DAXX: variants seen among roughly 807,000 people sequenced by gnomAD.
The protein encoded by DAXX is death domain associated protein.
In DAXX, 24 loss-of-function variants were observed where a neutral mutation model predicts 61.9. The ratio of observed to expected loss-of-function variants is 0.39; its 90% CI spans 0.28 to 0.55. DAXX has a LOEUF of 0.55. Ranked by LOEUF, DAXX falls within the 20% of genes least tolerant of loss-of-function variation. The pLI is 0.69. For missense variants in DAXX, 819 were observed against 935.3 expected (o/e 0.88, Z 1.62); for synonymous variants, 357 against 369.5 (o/e 0.97, Z 0.39).
intron 1 of DAXX, chr6:33,322,574 C>G (rs1470748031): frequency 4.1e-6 from 1 of 243,968 alleles, no homozygotes; most frequent in African/African-American, 2.3e-5. Flanking sequence ...TTCACCCCAC[C>G]CTAATTTTCC....
At position 33,321,397 on chromosome 6, in the gene DAXX, G is replaced by A. The variant is rs746862403; in HGVS notation, c.378C>T (p.Tyr126=). The A allele has an allele frequency of 8.2e-5, 132 of 1,613,596 alleles. No homozygotes were observed. Among genetic ancestry groups the A allele is most frequent in the Non-Finnish European group, 1.0e-4 (122 of 1,179,604 alleles). Residue 126 remains tyrosine, a synonymous_variant, in exon 3 of 8, where the codon TAC becomes TAT. Transcript: ENST00000374542. The surrounding 1 kb of genome is among the most constrained non-coding windows in gnomAD (Gnocchi z 7.2). ...TGAGAACAGTGCAGAGCTCATTGAT[G>A]TAGACATAGAGCTTGGCTGGCCGGC... ...ARSRPAKLYV[Y]INELCTVLKA... is the part of the protein sequence containing the mutation.
rs1263382485 is a variant in DAXX, at chr6:33,320,564, A to G, written c.1067T>C (p.Val356Ala). 1 of 1,613,968 alleles carries G rather than the reference A, an allele frequency of 6.2e-7. No homozygotes were observed. The highest frequency in any genetic ancestry group is 2.2e-5 in the East Asian group (1 of 44,890). Residue 356 changes from valine (V) to alanine (A), a missense_variant, in exon 4 of 8, where the codon GTG becomes GCG. Coordinates refer to ENST00000374542, the MANE Select transcript of DAXX (RefSeq NM_001141969.2). The surrounding 1 kb of genome is among the most constrained non-coding windows in gnomAD (Gnocchi z 7.1). ...GTTTTCCCGAAGGCGCCGGGCCAAC[A>G]CAGGATCTGATAGTGCAGGGTCAAC... is the stretch of plus-strand genomic sequence containing the variant. ...PGVDPALSDPVLARRLRENRS... is the reference protein window; with the variant it reads ...PGVDPALSDPALARRLRENRS...
rs368185137 is a variant in DAXX, at chr6:33,320,551, G to T, written c.1080C>A (p.Arg360=). 4.1e-5 allele frequency: 66 copies of T among 1,613,882 alleles called. No individual in the cohort carries two copies. The highest frequency in any genetic ancestry group is 5.4e-5 in the Non-Finnish European group (64 of 1,180,032). Reference sequence around the variant, plus strand: ...TGGCCAAACTCCGGTTTTCCCGAAGGCGCCGGGCCAACACAGGATCTGATA... The same window carrying T: ...TGGCCAAACTCCGGTTTTCCCGAAGTCGCCGGGCCAACACAGGATCTGATA... ...PALSDPVLAR[R]LRENRSLAMS... is the part of the protein sequence containing the mutation. Residue 360 remains arginine, a synonymous_variant, in exon 4 of 8, where the codon CGC becomes CGA. Coordinates refer to ENST00000374542, the MANE Select transcript of DAXX (RefSeq NM_001141969.2). This position sits in a 1 kb window ranked among gnomAD's most constrained non-coding sequence, Gnocchi z 7.1.
Position 33,319,467 on chromosome 6 carries a change from G to A in DAXX, c.1853C>T (p.Ser618Phe). 1 of 1,613,940 alleles carries A rather than the reference G, an allele frequency of 6.2e-7. No homozygotes were observed. The highest frequency in any genetic ancestry group is 8.5e-7 in the Non-Finnish European group (1 of 1,180,028). The change falls in exon 6 of 8, where the codon TCT (serine) becomes TTT (phenylalanine). Residue 618 changes from serine (S) to phenylalanine (F), a missense_variant. By Grantham distance (155) the Ser-to-Phe change is radical. Transcript: ENST00000374542. The part of the protein sequence containing the change: ...VSSTSFNGGV[S>F]PHNWGDSGPP... The stretch of plus-strand genomic sequence containing the variant: ...ACCAGAATCTCCCCAGTTGTGAGGA[G>A]AGACGCCTCCATTGAAGGAAGTAGA...
At position 33,321,985 on chromosome 6, in the gene DAXX, G is replaced by C; in HGVS notation, c.-52-8C>G. On this transcript the variant is annotated splice_polypyrimidine_tract_variant and splice_region_variant and intron_variant, in intron 1 of 7. Transcript: ENST00000374542. This position sits in a 1 kb window ranked among gnomAD's most constrained non-coding sequence, Gnocchi z 7.2. ...GGGATTTCAGAATTCCTGCTGGAAG[G>C]GGATGGGGCCTCAGAATGAGCCCCT... 2 of 1,556,672 alleles carry C rather than the reference G, an allele frequency of 1.3e-6. No homozygotes were observed. Among genetic ancestry groups the C allele is most frequent in the South Asian group, 1.2e-5 (1 of 86,228 alleles).
At chr6:33,322,705 T>G in intron 1 of DAXX, 157 bp downstream of exon 1, 1 of 350,362 alleles carries the variant, frequency 2.9e-6, no homozygotes, top group Non-Finnish European at 5.6e-6. Flanking sequence ...TCCCGCCAAA[T>G]CCCCCTCCCC....
In DAXX at chr6:33,320,132, C is replaced by T. The variant is rs2150991089; in HGVS notation, c.1344G>A (p.Glu448=). 6.2e-7 allele frequency: 1 copy of T among 1,613,940 alleles called. No homozygotes were observed. The highest frequency in any genetic ancestry group is 8.5e-7 in the Non-Finnish European group (1 of 1,179,858). Residue 448 remains glutamate (E), a synonymous_variant, in exon 5 of 8, where the codon GAG becomes GAA. Coordinates refer to ENST00000374542, the MANE Select transcript of DAXX (RefSeq NM_001141969.2). The surrounding 1 kb of genome is among the most constrained non-coding windows in gnomAD (Gnocchi z 7.1). ...CCTCCTCTTCTTCTTCCTCCTCCTC[C>T]TCCTCTTCCTCATCACTCTCCTCAT... ...EDDEESDEEE[E]EEEEEEEEEA...
Position 33,321,141 on chromosome 6 carries a change from G to T in DAXX, c.634C>A (p.Leu212Ile). ...IRRLQEKELD[L>I]SELDDPDSAY... is the part of the protein sequence containing the mutation. Reference sequence around the variant, plus strand: ...GAGTCTGGGTCATCCAATTCTGAGAGATCCAACTCCTTTTCCTGCAGCCGC... The same window carrying T: ...GAGTCTGGGTCATCCAATTCTGAGATATCCAACTCCTTTTCCTGCAGCCGC... The change falls in exon 3 of 8, where the codon CTC becomes ATC. Residue 212 changes from leucine (L) to isoleucine (I), a missense_variant. Transcript: ENST00000374542. The surrounding 1 kb of genome is among the most constrained non-coding windows in gnomAD (Gnocchi z 7.2). 1 of 1,613,502 alleles carries T rather than the reference G, an allele frequency of 6.2e-7. No homozygotes were observed. Among genetic ancestry groups the T allele is most frequent in the Non-Finnish European group, 8.5e-7 (1 of 1,179,440 alleles).
chr6:33,319,702 G>C lies in DAXX; in HGVS notation c.1618C>G (p.Pro540Ala), dbSNP rs1770289874. ...PSLLSEEPLAPSSIDAESNGE... is the reference protein window; with the variant it reads ...PSLLSEEPLAASSIDAESNGE... ...TTGCTTTCAGCATCTATGCTGGAGG[G>C]GGCCAGGGGTTCTTCTGACAGTAAC... The change falls in exon 6 of 8, where the codon CCC becomes GCC. Residue 540 changes from proline to alanine, a missense_variant. Pro to Ala is a conservative substitution (Grantham distance 27). Transcript: ENST00000374542. The C allele has an allele frequency of 6.2e-7, 1 of 1,614,222 alleles. No homozygotes were observed. The highest frequency in any genetic ancestry group is 2.2e-5 in the East Asian group (1 of 44,890).
rs767236551 is a variant in DAXX at position 33,319,763 on chromosome 6, C to T, written c.1557G>A (p.Gly519=). ...EPGKQISRSS[G]EQQNKGRIVS... is the part of the protein sequence containing the mutation. ...CTATGCGTCCTTTGTTTTGCTGCTC[C>T]CCTGAAGATCTGCTGATCTGTTTGC... The change falls in exon 6 of 8, where the codon GGG becomes GGA. Residue 519 remains glycine, a synonymous_variant. Transcript: ENST00000374542. 1.9e-6 allele frequency: 3 copies of T among 1,614,076 alleles called. No individual in the cohort carries two copies. The highest frequency in any genetic ancestry group is 2.5e-6 in the Non-Finnish European group (3 of 1,180,050).
At position 33,318,768 on chromosome 6, in the gene DAXX, A is replaced by G. The variant is rs1315462606; in HGVS notation, c.2198T>C (p.Ile733Thr). The change falls in exon 8 of 8, where the codon ATC (isoleucine) becomes ACC (threonine). Residue 733 changes from isoleucine to threonine, a missense_variant. Coordinates refer to ENST00000374542, the MANE Select transcript of DAXX (RefSeq NM_001141969.2). ...CTAATCAGAGTCTGAGAGCACGATG[A>G]TCTCTTCTGGATCGCATTGTGTGGC... ...SVATQCDPEE[I>T]IVLSDSD 1.3e-6 allele frequency: 2 copies of G among 1,554,678 alleles called. No individual in the cohort carries two copies. Among genetic ancestry groups the G allele is most frequent in the South Asian group, 1.2e-5 (1 of 85,424 alleles).
In DAXX at chr6:33,320,336, A is replaced by C. The variant is rs1562723950; in HGVS notation, c.1251+44T>G. On this transcript the variant is annotated intron_variant, in intron 4 of 7. Coordinates refer to ENST00000374542, the MANE Select transcript of DAXX (RefSeq NM_001141969.2). The surrounding 1 kb of genome is among the most constrained non-coding windows in gnomAD (Gnocchi z 7.1). ...ACCTGGACTCCCTGGTGGCCAGTGCAGGGGAAGGACAATGTCTCTCTGAAG... is the reference window on the plus strand; with the variant it reads ...ACCTGGACTCCCTGGTGGCCAGTGCCGGGGAAGGACAATGTCTCTCTGAAG... 3.4e-6 allele frequency: 5 copies of C among 1,487,744 alleles called. No homozygotes were observed. Among genetic ancestry groups the C allele is most frequent in the Non-Finnish European group, 3.8e-6 (4 of 1,064,520 alleles). 92.2% of individuals were successfully genotyped at this position (1,487,744 alleles called of 1,614,324 possible).
chr6:33,321,504 G>T lies in DAXX; in HGVS notation c.271C>A (p.Arg91=), dbSNP rs761580201. 1 of 1,614,090 alleles carries T rather than the reference G, an allele frequency of 6.2e-7. No individual in the cohort carries two copies. Among genetic ancestry groups the T allele is most frequent in the Non-Finnish European group, 8.5e-7 (1 of 1,180,018 alleles). The part of the protein sequence containing the change: ...HPEVVPFLYN[R]QQRAHSLFLA... ...AACAGAGAGTGGGCACGTTGCTGCC[G>T]GTTATAGAGGAATGGGACCACCTCA... Residue 91 remains arginine, a synonymous_variant, in exon 3 of 8, where the codon CGG becomes AGG. Transcript: ENST00000374542. The surrounding 1 kb of genome is among the most constrained non-coding windows in gnomAD (Gnocchi z 7.2).
chr6:33,320,630 G>A lies in DAXX; in HGVS notation c.1040-39C>T. Reference sequence around the variant, plus strand: ...CATAAAGTCAGAGCACTCAGCCCTTGAAGGGACTAGAAGAGTAAAAACCCT... The same window carrying A: ...CATAAAGTCAGAGCACTCAGCCCTTAAAGGGACTAGAAGAGTAAAAACCCT... On this transcript the variant is annotated intron_variant, in intron 3 of 7. Transcript: ENST00000374542. The surrounding 1 kb of genome is among the most constrained non-coding windows in gnomAD (Gnocchi z 7.1). 5 of 1,604,872 alleles carry A rather than the reference G, an allele frequency of 3.1e-6. No homozygotes were observed. Among genetic ancestry groups the A allele is most frequent in the Non-Finnish European group, 4.3e-6 (5 of 1,175,170 alleles).
rs778269315 is a variant in DAXX at position 33,319,527 on chromosome 6, G to C, written c.1793C>G (p.Thr598Ser). 3 of 1,614,150 alleles carry C rather than the reference G, an allele frequency of 1.9e-6. No individual in the cohort carries two copies. The highest frequency in any genetic ancestry group is 2.5e-6 in the Non-Finnish European group (3 of 1,180,020). The part of the protein sequence containing the change: ...SSRKQSEEPF[T>S]TVLENGAGMV... ...GCCTGCTCCATTCTCTAAGACAGTG[G>C]TGAAGGGCTCCTCTGATTGCTTCCT... is the stretch of plus-strand genomic sequence containing the variant. The change falls in exon 6 of 8, where the codon ACC becomes AGC. Residue 598 changes from threonine (T) to serine (S), a missense_variant. Physicochemically the swap from Thr to Ser is moderately conservative, Grantham distance 58. Coordinates refer to ENST00000374542, the MANE Select transcript of DAXX (RefSeq NM_001141969.2).
intron 1 of DAXX, chr6:33,322,568 C>T (rs553860445): frequency 2.1e-5 from 5 of 241,640 alleles, no homozygotes; most frequent in East Asian, 1.8e-4. Context: ...CTCCCTTTCA[C>T]CCCACCCTAA....
At position 33,318,574 on chromosome 6, in the gene DAXX, CTTTATTG is replaced by C. The variant is rs1360471993; in HGVS notation, c.*162_*168del. On this transcript the variant is annotated 3_prime_UTR_variant, in exon 8 of 8. Transcript: ENST00000374542. ...AGACAGTGATACAGTAAGAAAAGAA[CTTTATTG>C]TTTATTAATGTTTCTGTGTAAAACT... 4.8e-5 allele frequency: 21 copies of C among 438,768 alleles called. No homozygotes were observed. The highest frequency in any genetic ancestry group is 1.2e-4 in the Admixed American group (3 of 24,502). The allele number at this position is 438,768 out of a possible 1,614,324, so 27.2% of individuals were successfully genotyped here.
rs1384657631 is a variant in DAXX, at chr6:33,320,898, C to G, written c.877G>C (p.Val293Leu). 6.2e-7 allele frequency: 1 copy of G among 1,614,092 alleles called. No homozygotes were observed. Among genetic ancestry groups the G allele is most frequent in the African/African-American group, 1.3e-5 (1 of 74,944 alleles). Residue 293 changes from valine to leucine, a missense_variant, in exon 3 of 8, where the codon GTA becomes CTA. By Grantham distance (32) the Val-to-Leu change is conservative. Coordinates refer to ENST00000374542, the MANE Select transcript of DAXX (RefSeq NM_001141969.2). This position sits in a 1 kb window ranked among gnomAD's most constrained non-coding sequence, Gnocchi z 7.1. ...FPDYGDVLRAVEKAAARHSLG... is the reference protein window; with the variant it reads ...FPDYGDVLRALEKAAARHSLG... ...CTGTGTCGGGCAGCTGCCTTCTCTA[C>G]AGCCCGAAGCACATCCCCATAGTCA...
chr6:33,319,081 C>G lies in DAXX; in HGVS notation c.2079G>C (p.Leu693=), dbSNP rs1343272669. 1 of 1,614,020 alleles carries G rather than the reference C, an allele frequency of 6.2e-7. No homozygotes were observed. Among genetic ancestry groups the G allele is most frequent in the Non-Finnish European group, 8.5e-7 (1 of 1,180,056 alleles). The change falls in exon 7 of 8, where the codon CTG becomes CTC. Residue 693 remains leucine, a synonymous_variant. Transcript: ENST00000374542. The stretch of plus-strand genomic sequence containing the variant: ...AAGGGATGCAGAGGGAGCTGGTCAC[C>G]AGGCCATGGCTGGGAGAGTCCACCC... ...STRVDSPSHG[L]VTSSLCIPSP...
Sources: allele counts gnomAD v4.1 joint callset, GRCh38; gene constraint gnomAD v4.1.1; non-coding constraint Gnocchi (gnomAD v3.1); transcripts MANE v1.5; gene names NCBI Gene and HGNC (gene_info 2026-07-23, HGNC 2026-07-21).